The following G3BP2 variants were observed in gnomAD, a reference collection of about 807,000 sequenced individuals.
G3BP2 encodes the protein ras GTPase-activating protein-binding protein 2.
In G3BP2, 11 loss-of-function variants were observed where a neutral mutation model predicts 56.7. The observed-to-expected ratio is 0.19, with a 90% CI of 0.12 to 0.32. The LOEUF (loss-of-function observed/expected upper bound fraction) is 0.32, where lower values mean the gene tolerates loss of function less well. G3BP2 is among the 10% of genes least tolerant of loss of function. The pLI is 1.00. For synonymous variants in G3BP2, 165 were observed against 191.6 expected, an observed-to-expected ratio of 0.86 and a Z score of 1.15; for missense variants, 340 against 610.9, an observed-to-expected ratio of 0.56 and a Z score of 4.67.
chr4:75,645,841 G>A (rs970339587), intron 11 of G3BP2, 139 bp from the exon 12 acceptor site: 34 of 727,592 alleles, frequency 4.7e-5, no homozygotes, highest in Non-Finnish European at 8.9e-6. Context: ...TAGGGTCTCA[G>A]CTGTCACCCA....
chr4:75,700,530 C>A, intron 3 of G3BP2, among the ~76,000 whole-genome samples: 1 of 147,166 alleles, frequency 6.8e-6, no homozygotes, highest in South Asian at 2.2e-4. Flanking sequence ...AAGTGATTCT[C>A]CTGCCTCAGC....
intron 3 of G3BP2, among the ~76,000 whole-genome samples, chr4:75,717,354 C>T (rs186639932): frequency 1.3e-5 from 2 of 152,004 alleles, no homozygotes; most frequent in Admixed American, 6.6e-5. Context: ...ATGGGAGGAT[C>T]GCTTGAGCCT....
At chr4:75,655,353 C>T in intron 6 of G3BP2, 107 bp from the exon 7 acceptor site, 1 of 797,974 alleles carries the variant, frequency 1.3e-6, no homozygotes, top group Non-Finnish European at 2.1e-6. Context: ...ATAACTTGTT[C>T]TAGATCTACA....
intron 3 of G3BP2, among the ~76,000 whole-genome samples, chr4:75,709,508 A>T (rs1260701680): frequency 6.7e-6 from 1 of 150,146 alleles, no homozygotes; most frequent in Admixed American, 6.7e-5. Flanking sequence ...ACTACTCTGT[A>T]GGCTGAGGTA....
At chr4:75,660,048 A>G (rs1455948300) in intron 2 of G3BP2, among the ~76,000 whole-genome samples, 1 of 152,218 alleles carries the variant, frequency 6.6e-6, no homozygotes, top group African/African-American at 2.4e-5. Context: ...GTTGCTTACC[A>G]CAAGTGGAAA....
intron 3 of G3BP2, among the ~76,000 whole-genome samples, chr4:75,695,572 T>C (rs1472437555): frequency 6.6e-6 from 1 of 150,930 alleles, no homozygotes; most frequent in East Asian, 1.9e-4. Context: ...AAGAAGAGAG[T>C]GCCAAGAGAA....
chr4:75,707,893 T>C (rs187782110), intron 3 of G3BP2, among the ~76,000 whole-genome samples: 1 of 152,322 alleles, frequency 6.6e-6, no homozygotes. Flanking sequence ...AATTAACTCA[T>C]TGGGTTTTTT....
At chr4:75,666,819 T>C (rs1733075101) in intron 1 of G3BP2, among the ~76,000 whole-genome samples, 1 of 152,318 alleles carries the variant, frequency 6.6e-6, no homozygotes, top group East Asian at 1.9e-4. Context: ...GGACCTTCCA[T>C]TTCTTAAAAA....
At chr4:75,711,187 CG>C (rs1719741748) in intron 3 of G3BP2, among the ~76,000 whole-genome samples, 1 of 150,924 alleles carries the variant, frequency 6.6e-6, no homozygotes, top group African/African-American at 2.4e-5. Context: ...GGCATGATGG[CG>C]GGTGCCTGTA....
chr4:75,647,273 G>A, intron 9 of G3BP2, 116 bp from the exon 10 acceptor site: 1 of 652,402 alleles, frequency 1.5e-6, no homozygotes, highest in Non-Finnish European at 2.5e-6. Flanking sequence ...AATAAGACTA[G>A]GTGAGCTTCT....
intron 3 of G3BP2, among the ~76,000 whole-genome samples, chr4:75,709,275 C>G (rs1183585715): frequency 6.6e-6 from 1 of 151,878 alleles, no homozygotes; most frequent in Admixed American, 6.6e-5. Flanking sequence ...CAAAAATTAG[C>G]CAGGTGCGGT....
rs1019569829 is a variant in G3BP2, at chr4:75,644,954, A to G, written c.*476T>C. 6.3e-6 allele frequency: 1 copy of G among 158,456 alleles called. No homozygotes were observed. Among genetic ancestry groups the G allele is most frequent in the Non-Finnish European group, 1.4e-5 (1 of 72,308 alleles). 9.8% of individuals were successfully genotyped at this position (158,456 alleles called of 1,614,324 possible). On this transcript the variant is annotated 3_prime_UTR_variant, in exon 12 of 12. Transcript: ENST00000359707. ...TGTTAATGAGTTCAGAGTACCCATT[A>G]GTACATTTTGATGAGTGCATAACAA...
intron 3 of G3BP2, among the ~76,000 whole-genome samples, chr4:75,692,867 G>A (rs1718925530): frequency 6.6e-6 from 1 of 152,212 alleles, no homozygotes; most frequent in African/African-American, 2.4e-5. Flanking sequence ...GCAAACTGGT[G>A]GCCTGCAGGC....
At chr4:75,707,581 G>T (rs1345820614) in intron 3 of G3BP2, among the ~76,000 whole-genome samples, 3 of 142,848 alleles carry the variant, frequency 2.1e-5, no homozygotes, top group African/African-American at 7.9e-5. Flanking sequence ...CTGCACTCCA[G>T]CCTGGGTGAC....
intron 1 of G3BP2, among the ~76,000 whole-genome samples, chr4:75,662,746 T>C (rs1732668733): frequency 1.3e-5 from 2 of 152,162 alleles, no homozygotes; most frequent in South Asian, 4.1e-4. Flanking sequence ...GGAGGTCCAA[T>C]GCTGCCTCAG....
At chr4:75,720,388 G>C (rs370499752) in intron 3 of G3BP2, among the ~76,000 whole-genome samples, 1 of 151,692 alleles carries the variant, frequency 6.6e-6, no homozygotes, top group East Asian at 1.9e-4. Context: ...TGTAGTCCCA[G>C]CTACTCCAGA....
chr4:75,716,142 G>C (rs1719918259), intron 3 of G3BP2, among the ~76,000 whole-genome samples: 1 of 152,044 alleles, frequency 6.6e-6, no homozygotes, highest in Non-Finnish European at 1.5e-5. Context: ...GGAGAGGGCA[G>C]TGGGAAGGGC....
upstream of G3BP2, chr4:75,673,735 C>G (rs1733715132): frequency 4.6e-6 from 3 of 652,766 alleles, no homozygotes; most frequent in Non-Finnish European, 6.5e-6. Context: ...TTCGCAGCAA[C>G]GCAGTGTCTT....
rs1329685901 is a variant in G3BP2 at position 75,695,999 on chromosome 4, AAAGAG to A, written c.-25+24873_-25+24877del. 1.9e-3 allele frequency among the ~76,000 whole-genome samples: 9 copies of A among 4,790 alleles called. 1 individual carries two copies. Among genetic ancestry groups the A allele is most frequent in the African/African-American group, 7.0e-3 (9 of 1,292 alleles). 3.1% of individuals were successfully genotyped at this position (4,790 alleles called of 152,430 possible). On this transcript the variant is annotated intron_variant, in intron 3 of 3. Coordinates refer to the G3BP2 transcript ENST00000499709. ...CAAAAAAAAAAAAAAAAAAAAAAAA[AAAGAG>A]TTAACAGAAAAGCACCTGAGATGAA...
Sources: allele counts gnomAD v4.1 joint callset (sites outside exome capture counted in the v4.1 genomes callset), GRCh38; gene constraint gnomAD v4.1.1; transcripts MANE v1.5; gene names NCBI Gene and HGNC (gene_info 2026-07-23, HGNC 2026-07-21).